Variants in AK5 observed in about 807,000 individuals in gnomAD.
The protein encoded by AK5 is adenylate kinase isoenzyme 5.
Under a neutral mutation model 69.5 loss-of-function variants are expected in AK5, and 27 were observed. That is an observed-to-expected ratio of 0.39 (90% CI 0.29 to 0.54). The LOEUF (loss-of-function observed/expected upper bound fraction) is 0.54, where lower values mean the gene tolerates loss of function less well. AK5 is among the 20% of genes least tolerant of loss of function. The pLI, the probability that AK5 is intolerant of heterozygous loss-of-function variation, is 0.71. For missense variants in AK5, 531 were observed against 700.4 expected, an observed-to-expected ratio of 0.76 and a Z score of 2.73; for synonymous variants, 260 against 244.4, an observed-to-expected ratio of 1.06 and a Z score of -0.60.
intron 6 of AK5, among the ~76,000 whole-genome samples, chr1:77,355,898 CACACACAT>C (rs1346173868): frequency 2.1e-5 from 3 of 143,482 alleles, no homozygotes; most frequent in Middle Eastern, 3.3e-3. Flanking sequence ...CACACACACA[CACACACAT>C]ATATATATAC....
chr1:77,529,829 GGAAGTCATATTAACA>G (rs1384410687), intron 12 of AK5, among the ~76,000 whole-genome samples: 2 of 152,038 alleles, frequency 1.3e-5, no homozygotes, highest in African/African-American at 4.8e-5. Context: ...TCATATTAAT[GGAAGTCATATTAACA>G]GAAGTCATAT....
chr1:77,413,057 A>G (rs1020098683), intron 7 of AK5, among the ~76,000 whole-genome samples: 14 of 151,398 alleles, frequency 9.2e-5, no homozygotes, highest in South Asian at 2.1e-4. Context: ...AAAAAACAAA[A>G]CAAAACCTTC....
chr1:77,377,091 T>C (rs539401347), intron 6 of AK5, among the ~76,000 whole-genome samples: 16 of 152,298 alleles, frequency 1.1e-4, no homozygotes, highest in African/African-American at 3.4e-4. Context: ...CTCTCCCATC[T>C]TTTGTGGGCT....
chr1:77,340,026 C>A (rs1661568886), intron 5 of AK5, among the ~76,000 whole-genome samples: 1 of 152,196 alleles, frequency 6.6e-6, no homozygotes, highest in East Asian at 1.9e-4. Context: ...TAGAGAACAT[C>A]TGTGGCCCAG....
Position 77,452,575 on chromosome 1 carries a change from A to T in AK5, c.1060-30742A>T, listed in dbSNP as rs529699663. Among the ~76,000 whole-genome samples the T allele has an allele frequency of 2.0e-5, 3 of 152,316 alleles. No individual in the cohort carries two copies. The East Asian group carries it at 5.8e-4, about 29-fold the overall frequency. On this transcript the variant is annotated intron_variant, in intron 8 of 13. Transcript: ENST00000354567. Reference sequence around the variant, plus strand: ...TCTGCAGTCTGTTGATCAATAAGGTAGTTCTCCAAAATGCCAGTCACCTAT... The same window carrying T: ...TCTGCAGTCTGTTGATCAATAAGGTTGTTCTCCAAAATGCCAGTCACCTAT...
chr1:77,556,276 C>T (rs910101200), intron 13 of AK5, among the ~76,000 whole-genome samples: 1 of 152,164 alleles, frequency 6.6e-6, no homozygotes, highest in East Asian at 1.9e-4. Flanking sequence ...CAAGAAGTAA[C>T]TCATGTCCTG....
At chr1:77,388,588 GTTT>G (rs1005296569) in intron 6 of AK5, among the ~76,000 whole-genome samples, 1 of 144,958 alleles carries the variant, frequency 6.9e-6, no homozygotes, top group African/African-American at 2.6e-5. Flanking sequence ...TGTTGTTGTT[GTTT>G]TTGCATTAAG....
intron 8 of AK5, among the ~76,000 whole-genome samples, chr1:77,476,945 T>A (rs1306331107): frequency 2.0e-5 from 3 of 150,896 alleles, no homozygotes; most frequent in African/African-American, 7.3e-5. Context: ...TGCAAAAAAA[T>A]TCATTTTCAG....
At chr1:77,528,389 C>T (rs920036926) in intron 12 of AK5, among the ~76,000 whole-genome samples, 5 of 152,108 alleles carry the variant, frequency 3.3e-5, no homozygotes, top group African/African-American at 7.2e-5. Context: ...GAGATTGATG[C>T]GTCCGATGCA....
chr1:77,356,050 T>G (rs984609800), intron 6 of AK5, among the ~76,000 whole-genome samples: 4 of 152,328 alleles, frequency 2.6e-5, no homozygotes, highest in African/African-American at 7.2e-5. Context: ...TTTCAAGATC[T>G]CTAGTCTTTA....
At chr1:77,328,545 C>T (rs1002899845) in intron 5 of AK5, among the ~76,000 whole-genome samples, 3 of 151,606 alleles carry the variant, frequency 2.0e-5, no homozygotes, top group African/African-American at 7.3e-5. Flanking sequence ...TATTAAAGTC[C>T]TATATCTTGA....
intron 6 of AK5, among the ~76,000 whole-genome samples, chr1:77,399,702 C>T (rs975969467): frequency 6.6e-6 from 1 of 152,156 alleles, no homozygotes; most frequent in Non-Finnish European, 1.5e-5. Context: ...AGGCTAGGCC[C>T]ACTCTTCCTT....
At chr1:77,555,467 G>C (rs1407752497) in intron 13 of AK5, among the ~76,000 whole-genome samples, 1 of 152,094 alleles carries the variant, frequency 6.6e-6, no homozygotes, top group Non-Finnish European at 1.5e-5. Flanking sequence ...GTCAACACGT[G>C]CAAAGACTTC....
Position 77,544,727 on chromosome 1 carries a change from T to C in AK5, c.1620+8689T>C, listed in dbSNP as rs182004393. ...GTCTGCTTTGATAACAAGGCCTTTT[T>C]CTGGAACATTCCTGAAGGACCTGCC... On this transcript the variant is annotated intron_variant, in intron 13 of 13. Transcript: ENST00000354567. Among the ~76,000 whole-genome samples, 465 of 152,262 alleles carry C rather than the reference T, an allele frequency of 3.1e-3. 3 individuals are homozygous for C. Among genetic ancestry groups the C allele is most frequent in the African/African-American group, 0.011 (453 of 41,540 alleles).
At chr1:77,480,531 A>T (rs1198576166) in intron 8 of AK5, among the ~76,000 whole-genome samples, 1 of 149,174 alleles carries the variant, frequency 6.7e-6, no homozygotes, top group Non-Finnish European at 1.5e-5. Context: ...CCCAAACATG[A>T]TAGCCATGTA....
At chr1:77,376,415 C>T (rs1439973900) in intron 6 of AK5, among the ~76,000 whole-genome samples, 2 of 107,866 alleles carry the variant, frequency 1.9e-5, no homozygotes, top group Admixed American at 2.6e-4. Flanking sequence ...AAAGTGAGCA[C>T]TTCAGTGCAC....
chr1:77,358,270 A>C (rs1286033030), intron 6 of AK5, among the ~76,000 whole-genome samples: 1 of 152,112 alleles, frequency 6.6e-6, no homozygotes, highest in African/African-American at 2.4e-5. Context: ...AAAATTATTC[A>C]CAAGCATGTT....
chr1:77,282,361 T>G lies in AK5; in HGVS notation c.48T>G (p.Pro16=). 1 of 1,554,250 alleles carries G rather than the reference T, an allele frequency of 6.4e-7. No individual in the cohort carries two copies. The highest frequency in any genetic ancestry group is 8.7e-7 in the Non-Finnish European group (1 of 1,149,222). ...AGTATCTGGCCCGGAGGGAAATCCC[T>G]CAGCTTTTTGAGGTAGGGCTAGAGC... ...AKEYLARREI[P]QLFESLLNGL... Residue 16 remains proline, a synonymous_variant, in exon 1 of 14, where the codon CCT becomes CCG. Coordinates refer to ENST00000354567, the MANE Select transcript of AK5 (RefSeq NM_174858.3).
rs1375761699 is a variant in AK5 at position 77,518,020 on chromosome 1, A to T, written c.1148-544A>T. The stretch of plus-strand genomic sequence containing the variant: ...GCATCCAATTAGCAACTTATTCCCA[A>T]GTGTTTCTGAAAGTTCTTTGTCCTC... On this transcript the variant is annotated intron_variant, in intron 10 of 13. Coordinates refer to ENST00000354567, the MANE Select transcript of AK5 (RefSeq NM_174858.3). Among the ~76,000 whole-genome samples, 3 of 152,222 alleles carry T rather than the reference A, an allele frequency of 2.0e-5. No homozygotes were observed. In the East Asian group the frequency reaches 5.8e-4, roughly 29 times the overall value.
Sources: allele counts gnomAD v4.1 joint callset (sites outside exome capture counted in the v4.1 genomes callset), GRCh38; gene constraint gnomAD v4.1.1; transcripts MANE v1.5; gene names NCBI Gene and HGNC (gene_info 2026-07-23, HGNC 2026-07-21).